The following FGGY variants were observed in gnomAD, a reference collection of about 807,000 sequenced individuals.
The protein encoded by FGGY is FGGY carbohydrate kinase domain-containing protein.
Under a neutral mutation model 71.3 loss-of-function variants are expected in FGGY, and 72 were observed. The observed-to-expected ratio is 1.01, with a 90% CI of 0.84 to 1.23. The LOEUF (loss-of-function observed/expected upper bound fraction) is 1.23, where lower values mean the gene tolerates loss of function less well. Ranked by LOEUF, FGGY falls within the 50% of genes most tolerant of loss-of-function variation. The pLI, the probability that FGGY is intolerant of heterozygous loss-of-function variation, is 0.00. For synonymous variants in FGGY, 251 were observed against 250.3 expected (o/e 1.00, Z -0.02); for missense variants, 668 against 682.3 (o/e 0.98, Z 0.23).
intron 9 of FGGY, among the ~76,000 whole-genome samples, chr1:59,613,777 A>C (rs1446546809): frequency 2.0e-5 from 3 of 152,146 alleles, no homozygotes; most frequent in Non-Finnish European, 4.4e-5. Context: ...GAAAAGAGAG[A>C]AGAATCAAAT....
intron 2 of FGGY, among the ~76,000 whole-genome samples, chr1:59,336,826 A>G (rs982378806): frequency 1.1e-4 from 16 of 151,840 alleles, no homozygotes; most frequent in African/African-American, 3.6e-4. Flanking sequence ...ACAATGTTGA[A>G]TTTTCCATTT....
chr1:59,524,514 C>G (rs529698436), intron 7 of FGGY, among the ~76,000 whole-genome samples: 15 of 152,312 alleles, frequency 9.8e-5, no homozygotes, highest in African/African-American at 3.4e-4. Context: ...CCATGGCTAC[C>G]CATGGACCAA....
At chr1:59,373,166 G>T (rs1456834097) in intron 4 of FGGY, among the ~76,000 whole-genome samples, 4 of 152,034 alleles carry the variant, frequency 2.6e-5, no homozygotes, top group Non-Finnish European at 5.9e-5. Context: ...AAACCCCATT[G>T]TCTCAGCCCA....
chr1:59,704,712 G>A (rs2097740712), intron 14 of FGGY, among the ~76,000 whole-genome samples: 1 of 152,152 alleles, frequency 6.6e-6, no homozygotes, highest in Admixed American at 6.5e-5. Context: ...GTAGTTTCTA[G>A]TGTTTAGCTG....
chr1:59,478,488 A>G (rs1463200933), intron 6 of FGGY, among the ~76,000 whole-genome samples: 3 of 152,238 alleles, frequency 2.0e-5, no homozygotes. Flanking sequence ...AACATTTTAT[A>G]ACATAGCATG....
chr1:59,510,269 C>T (rs961638660), intron 6 of FGGY, among the ~76,000 whole-genome samples: 2 of 152,048 alleles, frequency 1.3e-5, no homozygotes, highest in Admixed American at 1.3e-4. Context: ...TCCCATCTGT[C>T]TGTAAAATGG....
At chr1:59,542,238 A>G (rs2095451064) in intron 7 of FGGY, among the ~76,000 whole-genome samples, 2 of 152,082 alleles carry the variant, frequency 1.3e-5, no homozygotes. Flanking sequence ...TCCTCAGGAG[A>G]TTACAAGCTC....
At chr1:59,644,975 C>CAA (rs397940421) in intron 11 of FGGY, among the ~76,000 whole-genome samples, 3 of 133,692 alleles carry the variant, frequency 2.2e-5, no homozygotes, top group African/African-American at 5.4e-5. Flanking sequence ...GGCTCCATCT[C>CAA]AAAAAAAAAA....
intron 14 of FGGY, among the ~76,000 whole-genome samples, chr1:59,750,263 T>C (rs993704917): frequency 6.6e-6 from 1 of 152,200 alleles, no homozygotes; most frequent in Non-Finnish European, 1.5e-5. Flanking sequence ...ATTTGAGGTA[T>C]GTTTTAGAGT....
chr1:59,662,118 G>C (rs761180806), intron 12 of FGGY, among the ~76,000 whole-genome samples: 4 of 149,156 alleles, frequency 2.7e-5, no homozygotes, highest in African/African-American at 9.8e-5. Flanking sequence ...TCAGGAGATC[G>C]AGACTATCCC....
At chr1:59,663,065 G>C (rs1451154221) in intron 12 of FGGY, among the ~76,000 whole-genome samples, 5 of 152,208 alleles carry the variant, frequency 3.3e-5, no homozygotes, top group Non-Finnish European at 7.3e-5. Flanking sequence ...GGACCAAGGG[G>C]CACCATCACA....
chr1:59,595,438 C>T (rs1455586797), intron 8 of FGGY, among the ~76,000 whole-genome samples: 1 of 152,064 alleles, frequency 6.6e-6, no homozygotes, highest in African/African-American at 2.4e-5. Flanking sequence ...TGCCTGTAAT[C>T]CCAGCACTTT....
At chr1:59,398,396 G>C (rs375001121) in intron 5 of FGGY, among the ~76,000 whole-genome samples, 4 of 152,006 alleles carry the variant, frequency 2.6e-5, no homozygotes, top group South Asian at 2.1e-4. Flanking sequence ...ACGCCACCAC[G>C]CCTGGCTAAT....
chr1:59,628,238 T>C (rs919228397), intron 10 of FGGY, among the ~76,000 whole-genome samples: 2 of 152,226 alleles, frequency 1.3e-5, no homozygotes, highest in East Asian at 3.8e-4. Flanking sequence ...AGTGATATCA[T>C]GTATCTCCTT....
intron 14 of FGGY, among the ~76,000 whole-genome samples, chr1:59,675,465 A>G (rs987006284): frequency 6.6e-6 from 1 of 152,226 alleles, no homozygotes; most frequent in Non-Finnish European, 1.5e-5. Context: ...AATGTGGTAC[A>G]CTACACACTA....
intron 1 of FGGY, 93 bp from the exon 2 acceptor site, chr1:59,321,443 G>T (rs1400163548): frequency 7.0e-6 from 8 of 1,139,362 alleles, no homozygotes; most frequent in Non-Finnish European, 1.3e-6. Context: ...GTTAGGTAGC[G>T]GTACCTCTTT....
chr1:59,309,483 C>G (rs564195716), intron 1 of FGGY, among the ~76,000 whole-genome samples: 6 of 152,190 alleles, frequency 3.9e-5, no homozygotes, highest in African/African-American at 1.2e-4. Context: ...GAAAGTCAGG[C>G]AGGGGCCTGA....
intron 9 of FGGY, among the ~76,000 whole-genome samples, chr1:59,621,459 CA>C (rs56172542): frequency 0.033 from 3,307 of 98,730 alleles, 89 homozygotes; most frequent in African/African-American, 0.12. Flanking sequence ...GCCTCCGTCT[CA>C]AAAAAAAAAA....
intron 6 of FGGY, among the ~76,000 whole-genome samples, chr1:59,472,259 G>A (rs1477787502): frequency 2.0e-5 from 3 of 152,362 alleles, no homozygotes; most frequent in South Asian, 2.1e-4. Flanking sequence ...GCAGTGAGGG[G>A]CTTAGCACCT....
Sources: gnomAD v4.1 joint callset for allele counts (sites outside exome capture counted in the v4.1 genomes callset) on GRCh38, gnomAD v4.1.1 for gene constraint, MANE v1.5 for transcripts, NCBI Gene and HGNC (gene_info 2026-07-23, HGNC 2026-07-21) for gene names.